SPOCK2: variants seen among roughly 807,000 people sequenced by gnomAD.
The protein encoded by SPOCK2 is testican-2.
In SPOCK2, 39 loss-of-function variants were observed where a neutral mutation model predicts 60.1. The ratio of observed to expected loss-of-function variants is 0.65; its 90% CI spans 0.50 to 0.85. SPOCK2 has a LOEUF of 0.85. SPOCK2 is among the 40% of genes least tolerant of loss of function. SPOCK2 has a pLI of 0.00. For synonymous variants in SPOCK2, 217 were observed against 231.5 expected, an observed-to-expected ratio of 0.94 and a Z score of 0.57; for missense variants, 523 against 567.4, an observed-to-expected ratio of 0.92 and a Z score of 0.80.
At chr10:72,085,663 G>A (rs1245549) in intron 1 of SPOCK2, among the ~76,000 whole-genome samples, 53,778 of 151,904 alleles carry the variant, frequency 0.35, 9,865 homozygotes, top group Middle Eastern at 0.4. Flanking sequence ...CAAATAGGGG[G>A]GCCCTGTACC....
upstream of SPOCK2, chr10:72,088,694 G>GCCAGCCGCAGCGGGGC (rs1840901448): frequency 1.1e-5 from 2 of 183,464 alleles, no homozygotes; most frequent in Non-Finnish European, 2.2e-5. Context: ...CCAAACGCCA[G>GCCAGCCGCAGCGGGGC]CCAGCCGCAG....
At chr10:72,072,859 C>T in intron 2 of SPOCK2, 43 bp downstream of exon 2, 2 of 1,552,214 alleles carry the variant, frequency 1.3e-6, no homozygotes, top group Non-Finnish European at 8.7e-7. Flanking sequence ...AGGGGGTGTG[C>T]TCTGCAGAGA....
rs114856578 is a variant in SPOCK2, at chr10:72,062,593, G to A, written c.*167C>T. Reference sequence around the variant, plus strand: ...CACACATGCACTCACACTGTCACCCGTCCCAGCCATCTGTGCCACACACAT... The same window carrying A: ...CACACATGCACTCACACTGTCACCCATCCCAGCCATCTGTGCCACACACAT... On this transcript the variant is annotated 3_prime_UTR_variant, in exon 11 of 11. Transcript: ENST00000373109. This position sits in a 1 kb window ranked among gnomAD's most constrained non-coding sequence, Gnocchi z 4.3. The A allele has an allele frequency of 8.6e-4, 1,143 of 1,324,178 alleles. 2 individuals are homozygous for A. The African/African-American group carries it at 9.8e-3, about 11-fold the overall frequency. The allele number at this position is 1,324,178 out of a possible 1,614,324, so 82.0% of individuals were successfully genotyped here. A position where few individuals can be genotyped will look rare whatever the true frequency, so the allele number is the denominator to read the frequency against.
chr10:72,067,870 G>T, intron 6 of SPOCK2, 138 bp from the exon 7 acceptor site: 1 of 1,357,178 alleles, frequency 7.4e-7, no homozygotes, highest in Non-Finnish European at 9.9e-7. Flanking sequence ...GGTGGAAATC[G>T]GGGGCTTCCT....
chr10:72,066,538 C>T (rs1840570273), intron 8 of SPOCK2, among the ~76,000 whole-genome samples: 1 of 150,204 alleles, frequency 6.7e-6, no homozygotes, highest in Non-Finnish European at 1.5e-5. Flanking sequence ...AGGAGGTCTC[C>T]CTGTATTGTT....
intron 1 of SPOCK2, chr10:72,086,630 G>A (rs1014330623): frequency 2.5e-6 from 3 of 1,211,132 alleles, no homozygotes; most frequent in East Asian, 5.4e-5. Flanking sequence ...CAGGTGCTTC[G>A]GGAAGGCCTC....
Position 72,088,277 on chromosome 10 carries a change from C to A in SPOCK2, c.52G>T (p.Ala18Ser), listed in dbSNP as rs1251500010. The change falls in exon 1 of 11, where the codon GCG (alanine) becomes TCG (serine). Residue 18 changes from alanine to serine, a missense_variant. Ala to Ser is a moderately conservative substitution (Grantham distance 99). Transcript: ENST00000373109. ...RLVLPLLLLA[A>S]AALAEGDAKG... Reference sequence around the variant, plus strand: ...GCGTCGCCTTCGGCCAGGGCTGCCGCGGCCAGGAGCAGCAGCGGCAGCACC... The same window carrying A: ...GCGTCGCCTTCGGCCAGGGCTGCCGAGGCCAGGAGCAGCAGCGGCAGCACC... The A allele has an allele frequency of 6.2e-7, 1 of 1,604,032 alleles. No homozygotes were observed. The highest frequency in any genetic ancestry group is 1.1e-5 in the South Asian group (1 of 90,318).
intron 8 of SPOCK2, among the ~76,000 whole-genome samples, chr10:72,066,685 G>T (rs914953116): frequency 2.0e-5 from 3 of 152,072 alleles, no homozygotes; most frequent in Admixed American, 6.6e-5. Flanking sequence ...ATCTGGATCC[G>T]CCTGGGAGCC....
rs754521088 is a variant in SPOCK2 at position 72,067,146 on chromosome 10, G to A, written c.710-26C>T. On this transcript the variant is annotated intron_variant, in intron 7 of 10. Transcript: ENST00000373109. ...CTGGGAAAAGATCAGGTTCAGGCAC[G>A]CTTCATCTGGCTATTCAGCCGTTTC... The A allele has an allele frequency of 3.8e-6, 6 of 1,594,808 alleles. No homozygotes were observed. In the African/African-American group the frequency reaches 5.4e-5, roughly 14 times the overall value.
intron 4 of SPOCK2, 85 bp downstream of exon 4, chr10:72,072,059 G>A: frequency 9.3e-7 from 1 of 1,079,748 alleles, no homozygotes; most frequent in East Asian, 2.8e-5. Context: ...AGCAGTAGAT[G>A]GCTAATTCAT....
In SPOCK2 at chr10:72,067,688, G is replaced by A. The variant is rs550148385; in HGVS notation, c.634C>T (p.Arg212Trp). 2.1e-5 allele frequency: 34 copies of A among 1,613,482 alleles called. No individual in the cohort carries two copies. The highest frequency in any genetic ancestry group is 4.5e-5 in the East Asian group (2 of 44,872). The stretch of plus-strand genomic sequence containing the variant: ...TCATGAAGGAGCTGGAACCAGTCCC[G>A]CAGCCGATCTCCCAGGTCAGCCAGG... ...QDLADLGDRLRDWFQLLHENS... is the reference protein window; with the variant it reads ...QDLADLGDRLWDWFQLLHENS... Residue 212 changes from arginine to tryptophan, a missense_variant, in exon 7 of 11, where the codon CGG becomes TGG. By Grantham distance (101) the Arg-to-Trp change is moderately radical. Coordinates refer to ENST00000373109, the MANE Select transcript of SPOCK2 (RefSeq NM_001244950.2).
chr10:72,070,959 G>A (rs1323522976), intron 4 of SPOCK2, among the ~76,000 whole-genome samples: 1 of 152,168 alleles, frequency 6.6e-6, no homozygotes, highest in African/African-American at 2.4e-5. Flanking sequence ...CCAAGAAGCA[G>A]CTGCCTGCTT....
intron 1 of SPOCK2, chr10:72,086,732 G>T: frequency 7.1e-7 from 1 of 1,407,580 alleles, no homozygotes; most frequent in Non-Finnish European, 9.3e-7. Flanking sequence ...ACTCAGCCTG[G>T]AGACCTGGCT....
chr10:72,063,631 C>A (rs559306014), intron 9 of SPOCK2, among the ~76,000 whole-genome samples: 1 of 152,358 alleles, frequency 6.6e-6, no homozygotes, highest in South Asian at 2.1e-4. Context: ...AGCTCCCAGG[C>A]GCCTGTGTAC....
At chr10:72,086,214 T>G in intron 1 of SPOCK2, 1 of 986,254 alleles carries the variant, frequency 1.0e-6, no homozygotes, top group Non-Finnish European at 1.2e-6. Context: ...CATGTGCAAG[T>G]CCTGAAGACT....
At chr10:72,082,815 C>T (rs1369652608) in intron 1 of SPOCK2, among the ~76,000 whole-genome samples, 1 of 138,808 alleles carries the variant, frequency 7.2e-6, no homozygotes, top group Non-Finnish European at 1.5e-5. Context: ...GATTGCATCA[C>T]TGCACTCCAA....
intron 1 of SPOCK2, among the ~76,000 whole-genome samples, chr10:72,073,628 C>G (rs189285135): frequency 8.5e-5 from 13 of 152,196 alleles, no homozygotes; most frequent in African/African-American, 3.1e-4. Context: ...CAGGTCCTCC[C>G]GTCACACAAC....
Position 72,063,171 on chromosome 10 carries a change from G to C in SPOCK2, c.992-9C>G. The C allele has an allele frequency of 6.4e-7, 1 of 1,555,638 alleles. No homozygotes were observed. Among genetic ancestry groups the C allele is most frequent in the Middle Eastern group, 1.7e-4 (1 of 5,844 alleles). On this transcript the variant is annotated splice_polypyrimidine_tract_variant and intron_variant, in intron 9 of 10. Coordinates refer to ENST00000373109, the MANE Select transcript of SPOCK2 (RefSeq NM_001244950.2). ...GCTCGGGATGAAGATGCCTGAATGA[G>C]ACAGTGCCAGGCAGGGTCAGAGCAG... is the stretch of plus-strand genomic sequence containing the variant.
At chr10:72,067,501 G>A in intron 7 of SPOCK2, 112 bp downstream of exon 7, 2 of 1,533,680 alleles carry the variant, frequency 1.3e-6, no homozygotes, top group South Asian at 1.2e-5. Context: ...CAGATTGTAG[G>A]GCCCAGAGTC....
Sources: allele counts gnomAD v4.1 joint callset (sites outside exome capture counted in the v4.1 genomes callset), GRCh38; gene constraint gnomAD v4.1.1; non-coding constraint Gnocchi (gnomAD v3.1); transcripts MANE v1.5; gene names NCBI Gene and HGNC (gene_info 2026-07-23, HGNC 2026-07-21).